PRKAR2B: variants seen among roughly 807,000 people sequenced by gnomAD.
PRKAR2B encodes the protein cAMP-dependent protein kinase type II-beta regulatory subunit.
PRKAR2B carries 14 observed loss-of-function variants against 49.9 expected under a neutral mutation model. The ratio of observed to expected loss-of-function variants is 0.28; its 90% CI spans 0.19 to 0.44. PRKAR2B has a LOEUF of 0.44. Among genes scored for constraint, PRKAR2B ranks in the 20% least tolerant of loss-of-function variants. PRKAR2B has a pLI of 1.00. For missense variants in PRKAR2B, 393 were observed against 537.9 expected, an observed-to-expected ratio of 0.73 and a Z score of 2.67; for synonymous variants, 196 against 197.7, an observed-to-expected ratio of 0.99 and a Z score of 0.07.
intron 5 of PRKAR2B, among the ~76,000 whole-genome samples, chr7:107,142,981 T>A (rs1736609378): frequency 6.6e-6 from 1 of 152,172 alleles, no homozygotes. Context: ...CGGGCTGGTC[T>A]CGAACTCCTG....
chr7:107,118,936 C>T (rs1027504239), intron 2 of PRKAR2B, among the ~76,000 whole-genome samples: 1 of 152,080 alleles, frequency 6.6e-6, no homozygotes, highest in African/African-American at 2.4e-5. Flanking sequence ...ACAGGAATGC[C>T]AAGAACTAAG....
At chr7:107,102,403 C>G (rs79970076) in intron 2 of PRKAR2B, among the ~76,000 whole-genome samples, 4,329 of 152,242 alleles carry the variant, frequency 0.028, 188 homozygotes, top group African/African-American at 0.099. Context: ...GGTATAAATA[C>G]AGCTATCCTT....
rs1383506294 is a variant in PRKAR2B, at chr7:107,045,031, G to A, written c.124G>A (p.Glu42Lys). 2.6e-6 allele frequency: 4 copies of A among 1,550,126 alleles called. No individual in the cohort carries two copies. Among genetic ancestry groups the A allele is most frequent in the South Asian group, 1.2e-5 (1 of 84,480 alleles). Residue 42 changes from glutamate to lysine, a missense_variant, in exon 1 of 11, where the codon GAG (glutamate) becomes AAG (lysine). Around this residue, in one of 2 missense-constraint regions of PRKAR2B, gnomAD observed 160 missense variants for 147.6 expected, o/e 1.08. Coordinates refer to ENST00000265717, the MANE Select transcript of PRKAR2B (RefSeq NM_002736.3). ...GCAGCACTTCACCCGCCTGCAGCAGGAGAACGAGCGCAAAGGCACCGCGCG... is the reference window on the plus strand; with the variant it reads ...GCAGCACTTCACCCGCCTGCAGCAGAAGAACGAGCGCAAAGGCACCGCGCG... ...ALQHFTRLQQ[E>K]NERKGTARFG...
intron 2 of PRKAR2B, among the ~76,000 whole-genome samples, chr7:107,091,515 G>A (rs950172068): frequency 2.0e-5 from 3 of 152,162 alleles, no homozygotes; most frequent in African/African-American, 4.8e-5. Flanking sequence ...GTGAGTCTGT[G>A]CCCTGCAGTA....
At chr7:107,139,557 G>C (rs1320125340) in intron 4 of PRKAR2B, among the ~76,000 whole-genome samples, 1 of 152,192 alleles carries the variant, frequency 6.6e-6, no homozygotes, top group Non-Finnish European at 1.5e-5. Flanking sequence ...GGCAGAACCA[G>C]ATGTTACCCA....
intron 2 of PRKAR2B, among the ~76,000 whole-genome samples, chr7:107,098,486 T>C (rs1004360836): frequency 6.6e-6 from 1 of 152,142 alleles, no homozygotes; most frequent in Admixed American, 6.5e-5. Context: ...AGTTTGTTAT[T>C]ACTGATTGTC....
At chr7:107,123,541 A>G (rs912312125) in intron 3 of PRKAR2B, among the ~76,000 whole-genome samples, 2 of 152,244 alleles carry the variant, frequency 1.3e-5, no homozygotes, top group Admixed American at 1.3e-4. Context: ...TCTGGTGTCC[A>G]TCAAGAGCAA....
intron 8 of PRKAR2B, among the ~76,000 whole-genome samples, chr7:107,155,970 C>A (rs1297898174): frequency 1.3e-5 from 2 of 152,122 alleles, no homozygotes; most frequent in Non-Finnish European, 2.9e-5. Context: ...ATGGATGAAG[C>A]TGGAAGCCAT....
chr7:107,056,097 G>C (rs1389540224), intron 1 of PRKAR2B, among the ~76,000 whole-genome samples: 7 of 152,092 alleles, frequency 4.6e-5, no homozygotes, highest in Non-Finnish European at 5.9e-5. Context: ...GCTTGTTTTT[G>C]TCAGGTTTGT....
chr7:107,140,304 A>G (rs968743006), intron 4 of PRKAR2B, among the ~76,000 whole-genome samples: 1 of 152,180 alleles, frequency 6.6e-6, no homozygotes, highest in Non-Finnish European at 1.5e-5. Context: ...GTGAATAGTG[A>G]CAGAATATTT....
chr7:107,154,982 A>G (rs539677366), intron 8 of PRKAR2B, among the ~76,000 whole-genome samples: 1 of 152,298 alleles, frequency 6.6e-6, no homozygotes, highest in South Asian at 2.1e-4. Flanking sequence ...CTCCATCTGG[A>G]TGCTTTCTGC....
intron 2 of PRKAR2B, among the ~76,000 whole-genome samples, chr7:107,098,174 A>T (rs1794883143): frequency 6.6e-6 from 1 of 152,206 alleles, no homozygotes; most frequent in African/African-American, 2.4e-5. Flanking sequence ...GGTCTTTCAC[A>T]TAGTCCCATA....
intron 1 of PRKAR2B, among the ~76,000 whole-genome samples, chr7:107,051,111 A>G (rs1405801509): frequency 6.6e-6 from 1 of 152,196 alleles, no homozygotes; most frequent in African/African-American, 2.4e-5. Context: ...CAAATTTGGT[A>G]GGTTTTGGCC....
At chr7:107,073,760 T>C (rs925507242) in intron 2 of PRKAR2B, among the ~76,000 whole-genome samples, 1 of 152,122 alleles carries the variant, frequency 6.6e-6, no homozygotes, top group Non-Finnish European at 1.5e-5. Context: ...TTCTTATCAG[T>C]ACATCCTTAA....
Position 107,157,023 on chromosome 7 carries a change from G to A in PRKAR2B, c.958G>A (p.Glu320Lys). 1 of 1,612,466 alleles carries A rather than the reference G, an allele frequency of 6.2e-7. No homozygotes were observed. The highest frequency in any genetic ancestry group is 8.5e-7 in the Non-Finnish European group (1 of 1,178,538). ...TTCTTTTTTCATTGTAGAATCTGGA[G>A]AAGTGAAAATTACTATGAAAAGAAA... The part of the protein sequence containing the change: ...ADSFFIVESG[E>K]VKITMKRKGK... Residue 320 changes from glutamate (E) to lysine (K), a missense_variant, in exon 9 of 11, where the codon GAA becomes AAA. Coordinates refer to ENST00000265717, the MANE Select transcript of PRKAR2B (RefSeq NM_002736.3).
intron 2 of PRKAR2B, among the ~76,000 whole-genome samples, chr7:107,104,272 C>T (rs1471221318): frequency 6.6e-6 from 1 of 152,116 alleles, no homozygotes; most frequent in Non-Finnish European, 1.5e-5. Context: ...TGAGCTCAGG[C>T]AGTTCACCTG....
chr7:107,081,962 T>C (rs1183243091), intron 2 of PRKAR2B: 2 of 152,208 alleles, frequency 1.3e-5, no homozygotes, highest in Non-Finnish European at 2.9e-5. Flanking sequence ...GTATGGATAC[T>C]TTAATATATG....
chr7:107,115,406 T>C (rs774776060), intron 2 of PRKAR2B, among the ~76,000 whole-genome samples: 54 of 152,168 alleles, frequency 3.5e-4, no homozygotes, highest in Non-Finnish European at 5.0e-4. Flanking sequence ...GTAAAAGATA[T>C]ATTTATATTG....
intron 1 of PRKAR2B, among the ~76,000 whole-genome samples, chr7:107,061,736 T>C (rs1324356759): frequency 2.0e-5 from 3 of 152,106 alleles, no homozygotes; most frequent in Non-Finnish European, 4.4e-5. Context: ...AAACCCTGTC[T>C]CCACTAAAAA....
Sources: gnomAD v4.1 joint callset for allele counts (sites outside exome capture counted in the v4.1 genomes callset) on GRCh38, gnomAD v4.1.1 for gene constraint, gnomAD v4.1.1 regional missense constraint, MANE v1.5 for transcripts, NCBI Gene and HGNC (gene_info 2026-07-23, HGNC 2026-07-21) for gene names.